Variants in PCDH9 observed in about 807,000 individuals in gnomAD.
PCDH9 encodes protocadherin 9.
PCDH9 carries 24 observed loss-of-function variants against 70.6 expected under a neutral mutation model. The observed-to-expected ratio is 0.34, with a 90% CI of 0.25 to 0.48. The LOEUF is 0.48. Ranked by LOEUF, PCDH9 falls within the 20% of genes least tolerant of loss-of-function variation. The pLI, the probability that PCDH9 is intolerant of heterozygous loss-of-function variation, is 0.99. For synonymous variants in PCDH9, 562 were observed against 558.5 expected (o/e 1.01, Z -0.09); for missense variants, 1,281 against 1,503.6 (o/e 0.85, Z 2.45).
chr13:66,409,028 T>C (rs1957328388), intron 4 of PCDH9, among the ~76,000 whole-genome samples: 1 of 151,898 alleles, frequency 6.6e-6, no homozygotes, highest in Non-Finnish European at 1.5e-5. Context: ...ATGGAAAGAA[T>C]ACATACAAGA....
chr13:66,749,973 A>G (rs1182884442), intron 3 of PCDH9, among the ~76,000 whole-genome samples: 1 of 151,930 alleles, frequency 6.6e-6, no homozygotes, highest in Non-Finnish European at 1.5e-5. Context: ...AAAATATTTA[A>G]AAGAAAAAAA....
At chr13:66,572,167 G>C (rs185900443) in intron 4 of PCDH9, among the ~76,000 whole-genome samples, 1 of 152,148 alleles carries the variant, frequency 6.6e-6, no homozygotes, top group East Asian at 1.9e-4. Flanking sequence ...TAATAATCAA[G>C]TCAGGGTAAT....
At position 66,717,935 on chromosome 13, in the gene PCDH9, T is replaced by A. The variant is rs532039185; in HGVS notation, c.3139-86524A>T. 1.2e-4 allele frequency among the ~76,000 whole-genome samples: 19 copies of A among 152,296 alleles called. 1 individual carries two copies. The East Asian group carries it at 2.1e-3, about 17-fold the overall frequency. The stretch of plus-strand genomic sequence containing the variant: ...ATCATTTTGGTATTCCCAACAGTGA[T>A]CAAAATAATCAGATCATGTTAACGC... On this transcript the variant is annotated intron_variant, in intron 3 of 4. Coordinates refer to ENST00000377865, the MANE Select transcript of PCDH9 (RefSeq NM_203487.3).
intron 2 of PCDH9, among the ~76,000 whole-genome samples, chr13:67,079,067 T>C (rs1351516830): frequency 6.6e-6 from 1 of 151,956 alleles, no homozygotes; most frequent in Non-Finnish European, 1.5e-5. Context: ...CATAGCACTT[T>C]GGGAGGCCGA....
chr13:66,790,937 T>C (rs1290375001), intron 3 of PCDH9, among the ~76,000 whole-genome samples: 2 of 152,132 alleles, frequency 1.3e-5, no homozygotes, highest in African/African-American at 4.8e-5. Flanking sequence ...TTTCTATAAA[T>C]AATCAATCAA....
intron 3 of PCDH9, among the ~76,000 whole-genome samples, chr13:66,863,232 G>T (rs976332576): frequency 6.6e-6 from 1 of 152,122 alleles, no homozygotes; most frequent in African/African-American, 2.4e-5. Context: ...CTTTTAGAAA[G>T]TTGTCTAATC....
intron 3 of PCDH9, among the ~76,000 whole-genome samples, chr13:66,892,541 T>A (rs1422886928): frequency 6.6e-6 from 1 of 151,960 alleles, no homozygotes; most frequent in Non-Finnish European, 1.5e-5. Flanking sequence ...TTGTAAAGTG[T>A]TTAGAAACCA....
intron 2 of PCDH9, among the ~76,000 whole-genome samples, chr13:67,096,674 C>A (rs1046215208): frequency 6.6e-6 from 1 of 152,062 alleles, no homozygotes; most frequent in Non-Finnish European, 1.5e-5. Context: ...AAAGAGATGG[C>A]AGGGCTGCAG....
intron 3 of PCDH9, among the ~76,000 whole-genome samples, chr13:66,715,893 G>A (rs771759517): frequency 4.6e-5 from 7 of 152,140 alleles, no homozygotes; most frequent in Non-Finnish European, 1.0e-4. Flanking sequence ...ATCTGCTTTC[G>A]CAGTTGTACT....
chr13:67,094,456 T>C (rs777251442), intron 2 of PCDH9, among the ~76,000 whole-genome samples: 1 of 152,180 alleles, frequency 6.6e-6, no homozygotes, highest in Non-Finnish European at 1.5e-5. Flanking sequence ...TGGGATATAT[T>C]CTCTGCTGTC....
chr13:66,874,071 G>A (rs189406138), intron 3 of PCDH9, among the ~76,000 whole-genome samples: 47 of 151,712 alleles, frequency 3.1e-4, no homozygotes, highest in African/African-American at 1.1e-3. Flanking sequence ...CTCCCAAGTA[G>A]CTGTGGCTAC....
At chr13:66,921,612 G>C (rs1003783381) in intron 2 of PCDH9, among the ~76,000 whole-genome samples, 8 of 151,256 alleles carry the variant, frequency 5.3e-5, no homozygotes, top group Non-Finnish European at 1.2e-4. Context: ...TATATGCTTT[G>C]CATAAAGCAG....
chr13:66,750,086 C>T (rs1393226295), intron 3 of PCDH9, among the ~76,000 whole-genome samples: 1 of 152,024 alleles, frequency 6.6e-6, no homozygotes, highest in Admixed American at 6.6e-5. Flanking sequence ...CACACACACA[C>T]GTGCATGTGC....
intron 3 of PCDH9, among the ~76,000 whole-genome samples, chr13:66,657,595 A>G (rs2077949864): frequency 1.3e-5 from 2 of 152,302 alleles, no homozygotes; most frequent in South Asian, 2.1e-4. Context: ...AGCAATTGGA[A>G]ATCCAGTATT....
chr13:66,805,088 G>A (rs569668627), intron 3 of PCDH9, among the ~76,000 whole-genome samples: 55 of 152,160 alleles, frequency 3.6e-4, no homozygotes, highest in African/African-American at 1.3e-3. Flanking sequence ...TAATAAATAT[G>A]TTTCATCCAT....
At chr13:66,667,978 T>G (rs1425026421) in intron 3 of PCDH9, among the ~76,000 whole-genome samples, 1 of 152,182 alleles carries the variant, frequency 6.6e-6, no homozygotes, top group African/African-American at 2.4e-5. Flanking sequence ...ATAAAAAGAA[T>G]TATGTATTTC....
At chr13:66,363,693 A>C (rs1427852944) in intron 4 of PCDH9, among the ~76,000 whole-genome samples, 3 of 152,204 alleles carry the variant, frequency 2.0e-5, no homozygotes, top group African/African-American at 7.2e-5. Context: ...CTTTTACTGA[A>C]TTTCATATGA....
intron 3 of PCDH9, among the ~76,000 whole-genome samples, chr13:66,672,743 G>T (rs989102411): frequency 6.6e-6 from 1 of 152,220 alleles, no homozygotes. Context: ...CTGGATGTGA[G>T]ACATGCAGTC....
rs547630744 is a variant in PCDH9 at position 66,982,361 on chromosome 13, T to A, written c.3037-78756A>T. 7.9e-5 allele frequency among the ~76,000 whole-genome samples: 12 copies of A among 152,214 alleles called. No homozygotes were observed. The South Asian group carries it at 2.1e-3, about 26-fold the overall frequency. ...CTGATACAATAACCAATCCCTTATA[T>A]CCGCTACTATAAAATATATGTTTGC... On this transcript the variant is annotated intron_variant, in intron 2 of 4. Transcript: ENST00000377865.
Sources: allele counts gnomAD v4.1 joint callset (sites outside exome capture counted in the v4.1 genomes callset), GRCh38; gene constraint gnomAD v4.1.1; transcripts MANE v1.5; gene names NCBI Gene and HGNC (gene_info 2026-07-23, HGNC 2026-07-21).